The following ACOT4 variants were observed in gnomAD, a reference collection of about 807,000 sequenced individuals.
The protein encoded by ACOT4 is acyl-CoA thioesterase 4, also known as peroxisomal succinyl-coenzyme A thioesterase.
In ACOT4, 18 loss-of-function variants were observed where a neutral mutation model predicts 17.1. The observed-to-expected ratio is 1.05, with a 90% CI of 0.73 to 1.56. ACOT4 has a LOEUF of 1.56. Among genes scored for constraint, ACOT4 ranks in the 40% most tolerant of loss-of-function variants. The probability of loss-of-function intolerance (pLI) is 0.00; values close to 1 mark genes in which losing one functional copy is unlikely to be tolerated. For missense variants in ACOT4, 574 were observed against 557.2 expected, an observed-to-expected ratio of 1.03 and a Z score of -0.30; for synonymous variants, 234 against 236.6, an observed-to-expected ratio of 0.99 and a Z score of 0.10.
At chr14:73,592,726 G>C (rs1322775099) in intron 1 of ACOT4, among the ~76,000 whole-genome samples, 1 of 152,128 alleles carries the variant, frequency 6.6e-6, no homozygotes, top group Non-Finnish European at 1.5e-5. Flanking sequence ...GGTGGCACAC[G>C]CCTGTAGTCC....
chr14:73,593,825 A>C lies in ACOT4; in HGVS notation c.581A>C (p.Glu194Ala). Residue 194 changes from glutamate (E) to alanine (A), a missense_variant, in exon 2 of 3, where the codon GAA becomes GCA. Physicochemically the swap from Glu to Ala is moderately radical, Grantham distance 107. Coordinates refer to ENST00000326303, the MANE Select transcript of ACOT4 (RefSeq NM_152331.4). ...ATLALAYYNF[E>A]DLPNNMDNIS... ...TTGGCTCTAGCTTATTATAACTTTG[A>C]AGATCTCCCCAATAACATGGACAAC... 1 of 1,614,032 alleles carries C rather than the reference A, an allele frequency of 6.2e-7. No individual in the cohort carries two copies. The highest frequency in any genetic ancestry group is 8.5e-7 in the Non-Finnish European group (1 of 1,179,968).
At chr14:73,592,651 G>C (rs1890175132) in intron 1 of ACOT4, among the ~76,000 whole-genome samples, 1 of 152,192 alleles carries the variant, frequency 6.6e-6, no homozygotes, top group African/African-American at 2.4e-5. Context: ...TCAGGAGTTT[G>C]AGACCAGACT....
intron 1 of ACOT4, among the ~76,000 whole-genome samples, chr14:73,593,424 G>A (rs1433494166): frequency 2.3e-5 from 3 of 131,698 alleles, no homozygotes; most frequent in Admixed American, 9.5e-5. Context: ...CTGCAGCCTT[G>A]ACCTCTGGGG....
chr14:73,593,621 G>A (rs1890192475), intron 1 of ACOT4, 81 bp from the exon 2 acceptor site: 1 of 1,369,488 alleles, frequency 7.3e-7, no homozygotes, highest in Non-Finnish European at 1.0e-6. Context: ...GAGATTACAA[G>A]CATGAACCAC....
rs45522539 is a variant in ACOT4, at chr14:73,593,783, G to C, written c.539G>C (p.Gly180Ala). ...LLEYRASLLA[G>A]HGFATLALAY... ...GAATATCGAGCCAGCCTCCTTGCTG[G>C]CCATGGCTTTGCCACGTTGGCTCTA... Residue 180 changes from glycine to alanine, a missense_variant, in exon 2 of 3, where the codon GGC (glycine) becomes GCC (alanine). Physicochemically the swap from Gly to Ala is moderately conservative, Grantham distance 60. Transcript: ENST00000326303. 0.026 allele frequency: 42,766 copies of C among 1,613,942 alleles called. 906 individuals carry two copies. The highest frequency in any genetic ancestry group is 0.093 in the South Asian group (8,437 of 91,064).
In ACOT4 at chr14:73,592,409, G is replaced by C; in HGVS notation, c.450G>C (p.Leu150=). The C allele has an allele frequency of 6.6e-7, 1 of 1,524,662 alleles. No homozygotes were observed. Among genetic ancestry groups the C allele is most frequent in the Middle Eastern group, 1.9e-4 (1 of 5,330 alleles). The allele number at this position is 1,524,662 out of a possible 1,614,324, so 94.4% of individuals were successfully genotyped here. A position where few individuals can be genotyped will look rare whatever the true frequency, so the allele number is the denominator to read the frequency against. Residue 150 remains leucine, a synonymous_variant, in exon 1 of 3, where the codon CTG becomes CTC. Coordinates refer to ENST00000326303, the MANE Select transcript of ACOT4 (RefSeq NM_152331.4). The part of the protein sequence containing the change: ...RAGRVRATLF[L]PPGPGPFPGI... ...GCCGGGTGCGCGCCACGCTCTTCCT[G>C]CCGCCAGGTGAGCCAGGCTGCTGGC...
chr14:73,594,370 T>C (rs1890211265), intron 2 of ACOT4, among the ~76,000 whole-genome samples: 1 of 152,188 alleles, frequency 6.6e-6, no homozygotes, highest in South Asian at 2.1e-4. Flanking sequence ...CACTATTGGA[T>C]GCATTGCCAC....
In ACOT4 at chr14:73,595,580, G is replaced by A. The variant is rs138778049; in HGVS notation, c.1192G>A (p.Ala398Thr). 1.6e-3 allele frequency: 2,596 copies of A among 1,576,962 alleles called. 4 individuals carry two copies. The highest frequency in any genetic ancestry group is 2.0e-3 in the Non-Finnish European group (2,340 of 1,158,162). ...PRAHSKAQED[A>T]WKQILAFFCK... The stretch of plus-strand genomic sequence containing the variant: ...GGCTCATTCTAAGGCCCAGGAAGAT[G>A]CCTGGAAGCAAATTCTAGCCTTCTT... The change falls in exon 3 of 3, where the codon GCC (alanine) becomes ACC (threonine). Residue 398 changes from alanine (A) to threonine (T), a missense_variant. Physicochemically the swap from Ala to Thr is moderately conservative, Grantham distance 58. Coordinates refer to ENST00000326303, the MANE Select transcript of ACOT4 (RefSeq NM_152331.4).
Position 73,595,308 on chromosome 14 carries a change from G to A in ACOT4, c.920G>A (p.Ser307Asn). Reference protein sequence around the residue: ...NALVGGYKNPSMIPIEKAQGP... With the variant: ...NALVGGYKNPNMIPIEKAQGP... Reference sequence around the variant, plus strand: ...CTCGTAGGAGGGTACAAGAACCCCAGCATGATTCCAATAGAGAAGGCCCAG... The same window carrying A: ...CTCGTAGGAGGGTACAAGAACCCCAACATGATTCCAATAGAGAAGGCCCAG... Residue 307 changes from serine to asparagine, a missense_variant, in exon 3 of 3, where the codon AGC becomes AAC. Ser to Asn is a conservative substitution (Grantham distance 46). Transcript: ENST00000326303. 3.7e-6 allele frequency: 6 copies of A among 1,614,236 alleles called. No homozygotes were observed. The highest frequency in any genetic ancestry group is 5.1e-6 in the Non-Finnish European group (6 of 1,180,048).
chr14:73,591,991 G>T lies in ACOT4; in HGVS notation c.32G>T (p.Gly11Val). The T allele has an allele frequency of 9.2e-6, 13 of 1,417,224 alleles. No homozygotes were observed. The highest frequency in any genetic ancestry group is 1.2e-5 in the Non-Finnish European group (13 of 1,087,802). The allele number at this position is 1,417,224 out of a possible 1,614,324, so 87.8% of individuals were successfully genotyped here. A position where few individuals can be genotyped will look rare whatever the true frequency, so the allele number is the denominator to read the frequency against. Reference sequence around the variant, plus strand: ...GCAACGCTGATCCTGGAGCCCCCAGGCCGCTGCTGCTGGAACGAGCCGGTG... The same window carrying T: ...GCAACGCTGATCCTGGAGCCCCCAGTCCGCTGCTGCTGGAACGAGCCGGTG... MSATLILEPPGRCCWNEPVRI... is the reference protein window; with the variant it reads MSATLILEPPVRCCWNEPVRI... Residue 11 changes from glycine to valine, a missense_variant, in exon 1 of 3, where the codon GGC becomes GTC. Transcript: ENST00000326303.
Position 73,591,894 on chromosome 14 carries a change from C to T in ACOT4, c.-66C>T, listed in dbSNP as rs550693997. On this transcript the variant is annotated 5_prime_UTR_variant, in exon 1 of 3. Coordinates refer to ENST00000326303, the MANE Select transcript of ACOT4 (RefSeq NM_152331.4). ...CGCCGGACGCCGTCCGGACATTCGG[C>T]GCGCTTGCCACGATCTTGGACGGGT... 15 of 1,314,962 alleles carry T rather than the reference C, an allele frequency of 1.1e-5. No individual in the cohort carries two copies. The Admixed American group carries it at 5.0e-4, about 44-fold the overall frequency. 81.5% of individuals were successfully genotyped at this position (1,314,962 alleles called of 1,614,324 possible).
At position 73,595,666 on chromosome 14, in the gene ACOT4, G is replaced by T; in HGVS notation, c.*12G>T. ...TCCCTAAATTGTAATGCATTTGTCT[G>T]TTGTTGACATGAGAGATTCAAGATC... is the stretch of plus-strand genomic sequence containing the variant. On this transcript the variant is annotated 3_prime_UTR_variant, in exon 3 of 3. Coordinates refer to ENST00000326303, the MANE Select transcript of ACOT4 (RefSeq NM_152331.4). 6.6e-7 allele frequency: 1 copy of T among 1,512,208 alleles called. No individual in the cohort carries two copies. The highest frequency in any genetic ancestry group is 8.8e-7 in the Non-Finnish European group (1 of 1,131,148). The allele number at this position is 1,512,208 out of a possible 1,614,324, so 93.7% of individuals were successfully genotyped here.
chr14:73,592,241 G>A lies in ACOT4; in HGVS notation c.282G>A (p.Leu94=), dbSNP rs1261487386. The part of the protein sequence containing the change: ...LEPEKPFWRF[L]KRDVQIPFVV... Reference sequence around the variant, plus strand: ...CCGAGAAGCCTTTTTGGCGCTTCCTGAAGCGGGACGTACAGATTCCTTTTG... The same window carrying A: ...CCGAGAAGCCTTTTTGGCGCTTCCTAAAGCGGGACGTACAGATTCCTTTTG... The change falls in exon 1 of 3, where the codon CTG becomes CTA. Residue 94 remains leucine, a synonymous_variant. Coordinates refer to ENST00000326303, the MANE Select transcript of ACOT4 (RefSeq NM_152331.4). 4 of 1,613,208 alleles carry A rather than the reference G, an allele frequency of 2.5e-6. No individual in the cohort carries two copies. Among genetic ancestry groups the A allele is most frequent in the African/African-American group, 2.7e-5 (2 of 74,892 alleles).
chr14:73,591,891 C>A lies in ACOT4; in HGVS notation c.-69C>A, dbSNP rs1016967535. The A allele has an allele frequency of 7.6e-7, 1 of 1,313,184 alleles. No individual in the cohort carries two copies. The highest frequency in any genetic ancestry group is 9.7e-7 in the Non-Finnish European group (1 of 1,025,642). 81.3% of individuals were successfully genotyped at this position (1,313,184 alleles called of 1,614,324 possible). ...GGACGCCGGACGCCGTCCGGACATT[C>A]GGCGCGCTTGCCACGATCTTGGACG... On this transcript the variant is annotated 5_prime_UTR_variant, in exon 1 of 3. Coordinates refer to ENST00000326303, the MANE Select transcript of ACOT4 (RefSeq NM_152331.4).
Position 73,591,980 on chromosome 14 carries a change from G to C in ACOT4, c.21G>C (p.Leu7=), listed in dbSNP as rs1185632068. 1 of 1,403,920 alleles carries C rather than the reference G, an allele frequency of 7.1e-7. No homozygotes were observed. The highest frequency in any genetic ancestry group is 1.6e-5 in the South Asian group (1 of 61,724). The allele number at this position is 1,403,920 out of a possible 1,614,324, so 87.0% of individuals were successfully genotyped here. A position where few individuals can be genotyped will look rare whatever the true frequency, so the allele number is the denominator to read the frequency against. ...CCAAGATGTCAGCAACGCTGATCCTGGAGCCCCCAGGCCGCTGCTGCTGGA... is the reference window on the plus strand; with the variant it reads ...CCAAGATGTCAGCAACGCTGATCCTCGAGCCCCCAGGCCGCTGCTGCTGGA... The part of the protein sequence containing the change: MSATLI[L]EPPGRCCWNE... Residue 7 remains leucine (L), a synonymous_variant, in exon 1 of 3, where the codon CTG becomes CTC. Transcript: ENST00000326303.
At position 73,595,247 on chromosome 14, in the gene ACOT4, T is replaced by A. The variant is rs755125487; in HGVS notation, c.859T>A (p.Ser287Thr). ...YDLRRIKVAF[S>T]GLVDIVDIRN... ...CCTGAGGAGAATCAAGGTAGCTTTC[T>A]CAGGCCTCGTGGACATTGTGGATAT... is the stretch of plus-strand genomic sequence containing the variant. Residue 287 changes from serine (S) to threonine (T), a missense_variant, in exon 3 of 3, where the codon TCA becomes ACA. Ser to Thr is a moderately conservative substitution (Grantham distance 58). Coordinates refer to ENST00000326303, the MANE Select transcript of ACOT4 (RefSeq NM_152331.4). 6 of 1,614,212 alleles carry A rather than the reference T, an allele frequency of 3.7e-6. No individual in the cohort carries two copies. The East Asian group carries it at 1.3e-4, about 36-fold the overall frequency.
chr14:73,594,373 A>C (rs1251899567), intron 2 of ACOT4, among the ~76,000 whole-genome samples: 1 of 152,206 alleles, frequency 6.6e-6, no homozygotes, highest in Admixed American at 6.5e-5. Context: ...TATTGGATGC[A>C]TTGCCACATG....
At chr14:73,593,336 C>CTTTTTTTTTTTTTTT (rs60704237) in intron 1 of ACOT4, among the ~76,000 whole-genome samples, 9 of 104,868 alleles carry the variant, frequency 8.6e-5, no homozygotes, top group Non-Finnish European at 1.4e-4. Context: ...TTCTTTCTTT[C>CTTTTTTTTTTTTTTT]TTTTTTTTTT....
chr14:73,592,363 G>T lies in ACOT4; in HGVS notation c.404G>T (p.Arg135Leu). 6.3e-7 allele frequency: 1 copy of T among 1,582,026 alleles called. No homozygotes were observed. Among genetic ancestry groups the T allele is most frequent in the Non-Finnish European group, 8.6e-7 (1 of 1,166,606 alleles). The change falls in exon 1 of 3, where the codon CGG becomes CTG. Residue 135 changes from arginine (R) to leucine (L), a missense_variant. Physicochemically the swap from Arg to Leu is moderately radical, Grantham distance 102. Coordinates refer to ENST00000326303, the MANE Select transcript of ACOT4 (RefSeq NM_152331.4). ...HERHFLPPGV[R>L]RQSVRAGRVR... ...CGCCACTTCCTCCCGCCAGGGGTGC[G>T]GCGCCAGTCGGTGCGAGCGGGCCGG...
Sources: allele counts gnomAD v4.1 joint callset (sites outside exome capture counted in the v4.1 genomes callset), GRCh38; gene constraint gnomAD v4.1.1; transcripts MANE v1.5; gene names NCBI Gene and HGNC (gene_info 2026-07-23, HGNC 2026-07-21).